ZC3H12B: variants seen among roughly 807,000 people sequenced by gnomAD.
ZC3H12B encodes the protein zinc finger CCCH-type containing 12B.
In ZC3H12B, 7 loss-of-function variants were observed where a neutral mutation model predicts 43.9. The ratio of observed to expected loss-of-function variants is 0.16; its 90% CI spans 0.09 to 0.30. ZC3H12B has a LOEUF of 0.30. Ranked by LOEUF, ZC3H12B falls within the 10% of genes least tolerant of loss-of-function variation. ZC3H12B has a pLI of 1.00. For missense variants in ZC3H12B, 475 were observed against 670.2 expected (o/e 0.71, Z 3.22); for synonymous variants, 222 against 241.7 (o/e 0.92, Z 0.76).
the ZC3H12B span, among the ~76,000 whole-genome samples, chrX:65,233,592 G>T: frequency 9.2e-6 from 1 of 108,398 alleles, no homozygotes; most frequent in South Asian, 3.9e-4. Flanking sequence ...ATGGGATATG[G>T]AAAAAGCAGT....
chrX:65,302,175 T>G, the ZC3H12B span, among the ~76,000 whole-genome samples: 1 of 110,726 alleles, frequency 9.0e-6, no homozygotes, highest in Non-Finnish European at 1.9e-5. Flanking sequence ...TCCTAGGTTA[T>G]GCAACATGAC....
the ZC3H12B span, among the ~76,000 whole-genome samples, chrX:65,046,381 T>G: frequency 2.7e-5 from 3 of 112,313 alleles, no homozygotes; most frequent in African/African-American, 9.7e-5. Context: ...CAGCACCACT[T>G]GATGCCTCAC....
chrX:65,155,250 G>C, the ZC3H12B span, among the ~76,000 whole-genome samples: 2 of 110,490 alleles, frequency 1.8e-5, 1 homozygote, highest in South Asian at 7.9e-4. Context: ...GATCCACTGA[G>C]TCTGGCCTGC....
chrX:65,253,387 C>T, the ZC3H12B span, among the ~76,000 whole-genome samples: 1 of 112,146 alleles, frequency 8.9e-6, no homozygotes, highest in African/African-American at 3.2e-5. Context: ...GGAGAACCCA[C>T]GACCCCCACA....
chrX:65,227,235 A>G, the ZC3H12B span, among the ~76,000 whole-genome samples: 1 of 111,560 alleles, frequency 9.0e-6, no homozygotes, highest in African/African-American at 3.3e-5. Context: ...AACTCACTCA[A>G]AACCGCTCAA....
the ZC3H12B span, among the ~76,000 whole-genome samples, chrX:65,309,094 C>T: frequency 5.6e-5 from 6 of 107,811 alleles, no homozygotes; most frequent in African/African-American, 2.1e-4. Context: ...GAAGCAAGAG[C>T]AAACAAATTC....
the ZC3H12B span, among the ~76,000 whole-genome samples, chrX:65,036,869 G>A: frequency 9.1e-6 from 1 of 110,390 alleles, no homozygotes; most frequent in Non-Finnish European, 1.9e-5. Flanking sequence ...TGACTATGAA[G>A]ATGCCGCATA....
chrX:65,374,445 TAA>T (rs1275000960), intron 2 of ZC3H12B, among the ~76,000 whole-genome samples: 1 of 99,879 alleles, frequency 1.0e-5, no homozygotes. Context: ...ATTTTTAAAG[TAA>T]AAAAAAAAAT....
intron 3 of ZC3H12B, among the ~76,000 whole-genome samples, chrX:65,460,947 C>T (rs1218207691): frequency 4.5e-5 from 5 of 111,685 alleles, no homozygotes; most frequent in South Asian, 3.8e-4. Context: ...AGAAAATTTT[C>T]ACAACCTACT....
chrX:65,330,936 C>T, the ZC3H12B span: 3 of 293,546 alleles, frequency 1.0e-5, no homozygotes, highest in Non-Finnish European at 2.0e-5. Flanking sequence ...GTTTCTGTTA[C>T]ACACAAGATG....
At chrX:65,379,087 G>C (rs12013470) in intron 2 of ZC3H12B, among the ~76,000 whole-genome samples, 15,997 of 111,627 alleles carry the variant, frequency 0.14, 2,744 homozygotes, top group African/African-American at 0.49. Flanking sequence ...CGGGAAGCTC[G>C]AACTGGGTGG....
intron 1 of ZC3H12B, among the ~76,000 whole-genome samples, chrX:65,496,160 G>A (rs1486214413): frequency 8.9e-6 from 1 of 112,062 alleles, no homozygotes; most frequent in African/African-American, 3.2e-5. Flanking sequence ...CAAAATCGGT[G>A]TTACATTATA....
chrX:65,203,781 A>G, the ZC3H12B span, among the ~76,000 whole-genome samples: 2 of 111,659 alleles, frequency 1.8e-5, no homozygotes, highest in Admixed American at 1.9e-4. Flanking sequence ...CGCTGGCACT[A>G]AGCCCAGCAC....
chrX:65,430,812 G>A (rs752036961), intron 3 of ZC3H12B, among the ~76,000 whole-genome samples: 1 of 110,874 alleles, frequency 9.0e-6, no homozygotes, highest in East Asian at 2.9e-4. Flanking sequence ...TGAGGATGGG[G>A]GTTCACTTGG....
At chrX:65,181,619 G>A in the ZC3H12B span, among the ~76,000 whole-genome samples, 1 of 112,044 alleles carries the variant, frequency 8.9e-6, no homozygotes, top group African/African-American at 3.2e-5. Flanking sequence ...CTCAAAGGAA[G>A]ACATTTATGC....
chrX:65,202,071 T>TTATAC, the ZC3H12B span, among the ~76,000 whole-genome samples: 1 of 79,213 alleles, frequency 1.3e-5, no homozygotes, highest in Non-Finnish European at 2.2e-5. Flanking sequence ...GTAATATATA[T>TTATAC]ATTACATATA....
At chrX:65,402,262 T>G (rs1280354369) in intron 3 of ZC3H12B, among the ~76,000 whole-genome samples, 2 of 111,793 alleles carry the variant, frequency 1.8e-5, no homozygotes, top group African/African-American at 6.5e-5. Context: ...TTGAAAGAAC[T>G]GTGTGTCATG....
In ZC3H12B at chrX:65,399,149, C is replaced by T. The variant is rs890177079; in HGVS notation, n.407+445C>T. On this transcript the variant is annotated intron_variant and non_coding_transcript_variant, in intron 3 of 5. Coordinates refer to the ZC3H12B transcript ENST00000617377. ...TTCTTGAGTAATACACTATTAAGTG[C>T]TATTTATTGCACTGGCAACCAACAC... Among the ~76,000 whole-genome samples the T allele has an allele frequency of 4.4e-5, 5 of 112,423 alleles. No homozygotes were observed. The East Asian group carries it at 1.4e-3, about 31-fold the overall frequency.
At chrX:65,476,523 C>T (rs1014263899) in intron 3 of ZC3H12B, among the ~76,000 whole-genome samples, 2 of 111,910 alleles carry the variant, frequency 1.8e-5, no homozygotes, top group Middle Eastern at 9.3e-3. Context: ...TTTTCAGCTT[C>T]TACTTTTATG....
Sources: gnomAD v4.1 joint callset for allele counts (sites outside exome capture counted in the v4.1 genomes callset) on GRCh38, gnomAD v4.1.1 for gene constraint, MANE v1.5 for transcripts, NCBI Gene and HGNC (gene_info 2026-07-23, HGNC 2026-07-21) for gene names.